Variants in VCAN observed in about 807,000 individuals in gnomAD.
VCAN encodes the protein versican.
In VCAN, 44 loss-of-function variants were observed where a neutral mutation model predicts 245.5. That is an observed-to-expected ratio of 0.18 (90% CI 0.14 to 0.23). The LOEUF (loss-of-function observed/expected upper bound fraction) is 0.23, where lower values mean the gene tolerates loss of function less well. Ranked by LOEUF, VCAN falls within the 10% of genes least tolerant of loss-of-function variation. VCAN has a pLI of 1.00. For synonymous variants in VCAN, 1,413 were observed against 1,437.0 expected (o/e 0.98, Z 0.38); for missense variants, 3,793 against 4,057.9 (o/e 0.93, Z 1.77).
In VCAN at chr5:83,540,636, A is replaced by C. The variant is rs757431702; in HGVS notation, c.7633A>C (p.Ile2545Leu). Residue 2545 changes from isoleucine (I) to leucine (L), a missense_variant, in exon 8 of 15, where the codon ATA becomes CTA. Physicochemically the swap from Ile to Leu is conservative, Grantham distance 5. Around this residue, in one of 5 missense-constraint regions of VCAN, gnomAD observed 3,182 missense variants for 3,250.3 expected, o/e 0.98. Coordinates refer to ENST00000265077, the MANE Select transcript of VCAN (RefSeq NM_004385.5). ...NRKKPTENIIIDLDKEDKDLI... is the reference protein window; with the variant it reads ...NRKKPTENIILDLDKEDKDLI... Reference sequence around the variant, plus strand: ...AAAAAAACCCACTGAAAATATTATCATAGACCTGGACAAAGAGGACAAGGA... The same window carrying C: ...AAAAAAACCCACTGAAAATATTATCCTAGACCTGGACAAAGAGGACAAGGA... 4 of 1,613,908 alleles carry C rather than the reference A, an allele frequency of 2.5e-6. No homozygotes were observed. The highest frequency in any genetic ancestry group is 3.4e-6 in the Non-Finnish European group (4 of 1,179,968).
In VCAN at chr5:83,503,942, T is replaced by C. The variant is rs1332433348; in HGVS notation, c.749-8161T>C. 3.3e-5 allele frequency among the ~76,000 whole-genome samples: 5 copies of C among 152,336 alleles called. No individual in the cohort carries two copies. In the East Asian group the frequency reaches 9.6e-4, roughly 29 times the overall value. ...CTTTGGGTCATTTTTAATGTTTTGA[T>C]TTGTTTTCATCATTGCTTGCCATTT... is the stretch of plus-strand genomic sequence containing the variant. On this transcript the variant is annotated intron_variant, in intron 5 of 14. Transcript: ENST00000265077.
intron 3 of VCAN, among the ~76,000 whole-genome samples, chr5:83,492,773 G>C (rs1745023593): frequency 6.6e-6 from 1 of 152,204 alleles, no homozygotes; most frequent in Non-Finnish European, 1.5e-5. Flanking sequence ...TGTCATAGCA[G>C]AGACCCTACG....
At chr5:83,476,714 G>T (rs1457363295) in intron 1 of VCAN, among the ~76,000 whole-genome samples, 1 of 152,000 alleles carries the variant, frequency 6.6e-6, no homozygotes, top group East Asian at 1.9e-4. Flanking sequence ...TATGTATACA[G>T]GGTTTTTAAA....
chr5:83,563,292 G>A lies in VCAN; in HGVS notation c.9735+8254G>A, dbSNP rs149072652. Among the ~76,000 whole-genome samples, 230 of 152,260 alleles carry A rather than the reference G, an allele frequency of 1.5e-3. 1 individual carries two copies. The highest frequency in any genetic ancestry group is 4.8e-3 in the African/African-American group (201 of 41,548). ...CCTTAAGCAAGTACAAGGATCAGAAGAAGGTTTATCTTTACCTTGCAGGGA... is the reference window on the plus strand; with the variant it reads ...CCTTAAGCAAGTACAAGGATCAGAAAAAGGTTTATCTTTACCTTGCAGGGA... On this transcript the variant is annotated intron_variant, in intron 12 of 14. Transcript: ENST00000265077.
intron 12 of VCAN, among the ~76,000 whole-genome samples, chr5:83,556,455 C>T (rs1747669911): frequency 6.6e-6 from 1 of 152,148 alleles, no homozygotes; most frequent in Non-Finnish European, 1.5e-5. Flanking sequence ...CACTGTTTCA[C>T]TGTTTGTCAT....
At chr5:83,532,204 C>T (rs1295078475) in intron 7 of VCAN, among the ~76,000 whole-genome samples, 1 of 152,020 alleles carries the variant, frequency 6.6e-6, no homozygotes, top group African/African-American at 2.4e-5. Flanking sequence ...TTCTGGTTTG[C>T]AATAATCTCT....
In VCAN at chr5:83,482,875, G is replaced by C. The variant is rs563873174; in HGVS notation, c.-6-638G>C. On this transcript the variant is annotated intron_variant, in intron 1 of 14. Transcript: ENST00000265077. ...TGCTTTAAAATTCATGGCAAGAACT[G>C]GTCACTTTTGTAATTAACACCTCCT... 1.6e-3 allele frequency among the ~76,000 whole-genome samples: 239 copies of C among 152,258 alleles called. 1 individual carries two copies. Among genetic ancestry groups the C allele is most frequent in the African/African-American group, 5.4e-3 (223 of 41,548 alleles).
At chr5:83,500,326 G>T (rs1186947183) in intron 5 of VCAN, among the ~76,000 whole-genome samples, 1 of 152,112 alleles carries the variant, frequency 6.6e-6, no homozygotes, top group Non-Finnish European at 1.5e-5. Context: ...ATAGACTTTG[G>T]AGATTAACAC....
chr5:83,487,490 A>C (rs758434793), intron 2 of VCAN, among the ~76,000 whole-genome samples: 5 of 152,214 alleles, frequency 3.3e-5, no homozygotes, highest in Admixed American at 6.5e-5. Context: ...TTTCTTTTAA[A>C]CATGCATACT....
At chr5:83,579,884 T>C in intron 13 of VCAN, 96 bp from the exon 14 acceptor site, 1 of 1,340,176 alleles carries the variant, frequency 7.5e-7, no homozygotes, top group South Asian at 1.3e-5. Context: ...TGAAGTTGCT[T>C]ACTTTGGTAC....
At chr5:83,525,053 T>G (rs1392042567) in intron 7 of VCAN, among the ~76,000 whole-genome samples, 3 of 151,712 alleles carry the variant, frequency 2.0e-5, no homozygotes, top group Non-Finnish European at 2.9e-5. Context: ...CTTGTTTTTT[T>G]TTTTTTTTTT....
intron 6 of VCAN, 104 bp from the exon 7 acceptor site, chr5:83,519,245 C>A: frequency 8.1e-7 from 1 of 1,237,398 alleles, no homozygotes; most frequent in Non-Finnish European, 1.1e-6. Context: ...CTGGGCCACC[C>A]AAAAATACTC....
chr5:83,546,399 C>A (rs1747221646), intron 9 of VCAN, among the ~76,000 whole-genome samples: 1 of 152,088 alleles, frequency 6.6e-6, no homozygotes, highest in Admixed American at 6.6e-5. Context: ...TCACCAATAG[C>A]ACTTTAAATT....
intron 5 of VCAN, among the ~76,000 whole-genome samples, chr5:83,504,750 T>A (rs1745432705): frequency 1.3e-5 from 2 of 152,188 alleles, no homozygotes; most frequent in Admixed American, 1.3e-4. Flanking sequence ...ATCACTTTGT[T>A]TATATAAAAT....
chr5:83,541,812 G>A lies in VCAN; in HGVS notation c.8809G>A (p.Asp2937Asn), dbSNP rs160277. The A allele has an allele frequency of 3.1e-6, 5 of 1,613,634 alleles. No homozygotes were observed. Among genetic ancestry groups the A allele is most frequent in the Admixed American group, 1.7e-5 (1 of 59,968 alleles). The change falls in exon 8 of 15, where the codon GAT (aspartate) becomes AAT (asparagine). Residue 2937 changes from aspartate (D) to asparagine (N), a missense_variant. This residue lies in a region of VCAN where 3,182 missense variants were observed against 3,250.3 expected (regional missense o/e 0.98). Coordinates refer to ENST00000265077, the MANE Select transcript of VCAN (RefSeq NM_004385.5). ...TCTCCAAGATTTCCAAAACAAAACC[G>A]ATGGTCAAGTTTCTGGAGAAGCAAT... Reference protein sequence around the residue: ...EILQDFQNKTDGQVSGEAIKM... With the variant: ...EILQDFQNKTNGQVSGEAIKM...
In VCAN at chr5:83,541,006, T is replaced by C; in HGVS notation, c.8003T>C (p.Phe2668Ser). ...AGAAGCCAACTAGATCACATGGGCT[T>C]TCACTTCACAACTGGGATCCCTGCT... Reference protein sequence around the residue: ...EDRSQLDHMGFHFTTGIPAPS... With the variant: ...EDRSQLDHMGSHFTTGIPAPS... The change falls in exon 8 of 15, where the codon TTT becomes TCT. Residue 2668 changes from phenylalanine to serine, a missense_variant. By Grantham distance (155) the Phe-to-Ser change is radical. Coordinates refer to ENST00000265077, the MANE Select transcript of VCAN (RefSeq NM_004385.5). 6.2e-7 allele frequency: 1 copy of C among 1,614,098 alleles called. No homozygotes were observed. The highest frequency in any genetic ancestry group is 1.1e-5 in the South Asian group (1 of 91,084).
chr5:83,563,439 A>T (rs1747949347), intron 12 of VCAN, among the ~76,000 whole-genome samples: 1 of 152,134 alleles, frequency 6.6e-6, no homozygotes, highest in African/African-American at 2.4e-5. Context: ...AAAGGTACCA[A>T]ATGTTTTGAT....
Position 83,567,490 on chromosome 5 carries a change from C to CATG in VCAN, c.9736-4926_9736-4925insATG, listed in dbSNP as rs1554043234. Among the ~76,000 whole-genome samples the CATG allele has an allele frequency of 4.6e-5, 7 of 151,444 alleles. No individual in the cohort carries two copies. The South Asian group carries it at 1.3e-3, about 27-fold the overall frequency. On this transcript the variant is annotated intron_variant, in intron 12 of 14. Transcript: ENST00000265077. ...TAATTTTTTGTATTTTTAGTAGAGACGGGGTTTCACTATGTTGGCCAGGCT... is the reference window on the plus strand; with the variant it reads ...TAATTTTTTGTATTTTTAGTAGAGACATGGGGGTTTCACTATGTTGGCCAGGCT...
At position 83,581,166 on chromosome 5, in the gene VCAN, A is replaced by G. The variant is rs1441873849; in HGVS notation, c.*732A>G. ...GGAGGACTTTTCTGTAACCAGGAACATTTTTTAGGGGTCAAAGTGCTAATA... is the reference window on the plus strand; with the variant it reads ...GGAGGACTTTTCTGTAACCAGGAACGTTTTTTAGGGGTCAAAGTGCTAATA... On this transcript the variant is annotated 3_prime_UTR_variant, in exon 15 of 15. Coordinates refer to ENST00000265077, the MANE Select transcript of VCAN (RefSeq NM_004385.5). 1.3e-5 allele frequency: 2 copies of G among 153,208 alleles called. No homozygotes were observed. Among genetic ancestry groups the G allele is most frequent in the Non-Finnish European group, 2.9e-5 (2 of 68,524 alleles). 9.5% of individuals were successfully genotyped at this position (153,208 alleles called of 1,614,324 possible).
Sources: allele counts gnomAD v4.1 joint callset (sites outside exome capture counted in the v4.1 genomes callset), GRCh38; gene constraint gnomAD v4.1.1; regional missense constraint gnomAD v4.1.1; transcripts MANE v1.5; gene names NCBI Gene and HGNC (gene_info 2026-07-23, HGNC 2026-07-21).